Variants in TNS4 observed in about 807,000 individuals in gnomAD.
TNS4 encodes tensin 4.
Under a neutral mutation model 70.4 loss-of-function variants are expected in TNS4, and 46 were observed. That is an observed-to-expected ratio of 0.65 (90% confidence interval 0.52 to 0.84). TNS4 has a LOEUF of 0.84. TNS4 is among the 40% of genes least tolerant of loss of function. The pLI is 0.00. For missense variants in TNS4, 863 were observed against 907.0 expected (o/e 0.95, Z 0.62); for synonymous variants, 390 against 366.6 (o/e 1.06, Z -0.73).
intron 10 of TNS4, 113 bp downstream of exon 10, chr17:40,479,559 TGG>T (rs1319738787): frequency 7.4e-7 from 1 of 1,352,636 alleles, no homozygotes; most frequent in East Asian, 2.4e-5. Flanking sequence ...CTGGCCCCGC[TGG>T]GTCATCCAGA....
At chr17:40,477,771 G>A in intron 12 of TNS4, 42 bp from the exon 13 acceptor site, 1 of 1,607,492 alleles carries the variant, frequency 6.2e-7, no homozygotes, top group Non-Finnish European at 8.5e-7. Flanking sequence ...GGGACCCAGG[G>A]AGGCATCAGG....
chr17:40,483,631 C>T (rs1177325214), intron 6 of TNS4, among the ~76,000 whole-genome samples: 1 of 152,226 alleles, frequency 6.6e-6, no homozygotes, highest in African/African-American at 2.4e-5. Flanking sequence ...GACCTTCTGA[C>T]TCCTTTCCAC....
At chr17:40,493,981 G>C (rs552832503) in intron 2 of TNS4, among the ~76,000 whole-genome samples, 1 of 152,276 alleles carries the variant, frequency 6.6e-6, no homozygotes, top group African/African-American at 2.4e-5. Flanking sequence ...GCCCATGACT[G>C]ACTGGCCTGA....
In TNS4 at chr17:40,477,399, C is replaced by CG. The variant is rs964820257; in HGVS notation, c.*188dup. On this transcript the variant is annotated 3_prime_UTR_variant, in exon 13 of 13. Transcript: ENST00000254051. ...TTCTATGATTGAGGAAACTGAGGCC[C>CG]GGGGGGTCTGGATGATGGTGACTGC... 6.4e-6 allele frequency: 4 copies of CG among 624,782 alleles called. No homozygotes were observed. Among genetic ancestry groups the CG allele is most frequent in the African/African-American group, 5.6e-5 (3 of 53,598 alleles). 38.7% of individuals were successfully genotyped at this position (624,782 alleles called of 1,614,324 possible).
chr17:40,480,113 C>G (rs558538335), intron 9 of TNS4: 1 of 434,310 alleles, frequency 2.3e-6, no homozygotes, highest in East Asian at 3.8e-5. Flanking sequence ...GTAGAGGTGC[C>G]CAGGAAAACA....
intron 2 of TNS4, among the ~76,000 whole-genome samples, chr17:40,489,370 G>A (rs1359569303): frequency 6.6e-6 from 1 of 152,202 alleles, no homozygotes; most frequent in African/African-American, 2.4e-5. Flanking sequence ...AGGCAGCACA[G>A]CACTGTTCCC....
chr17:40,488,915 TG>T lies in TNS4; in HGVS notation c.493del (p.Gln165SerfsTer176). The T allele has an allele frequency of 6.2e-7, 1 of 1,602,730 alleles. No homozygotes were observed. Among genetic ancestry groups the T allele is most frequent in the Non-Finnish European group, 8.5e-7 (1 of 1,176,388 alleles). On this transcript the variant is annotated frameshift_variant, in exon 3 of 13. Coordinates refer to ENST00000254051, the MANE Select transcript of TNS4 (RefSeq NM_032865.6). LOFTEE classifies it high-confidence loss of function. ...SARSRCHDGP[Q>X]HCSSPSVTPP... The stretch of plus-strand genomic sequence containing the variant: ...GGTGACAGAGGGGCTGGAGCAGTGC[TG>T]GGGGCCATCGTGGCACCTTGATCTG...
intron 3 of TNS4, among the ~76,000 whole-genome samples, chr17:40,487,890 G>A (rs940037711): frequency 6.6e-6 from 1 of 152,242 alleles, no homozygotes; most frequent in African/African-American, 2.4e-5. Flanking sequence ...GCAGGAGAAG[G>A]CCAGCTTCAC....
chr17:40,487,673 T>C (rs1243278310), intron 3 of TNS4, among the ~76,000 whole-genome samples: 1 of 152,198 alleles, frequency 6.6e-6, no homozygotes, highest in African/African-American at 2.4e-5. Context: ...GGTAGGGTCT[T>C]TGGTCACTTA....
At chr17:40,477,879 C>A in intron 12 of TNS4, 150 bp from the exon 13 acceptor site, 1 of 692,886 alleles carries the variant, frequency 1.4e-6, no homozygotes, top group South Asian at 1.8e-5. Context: ...TATGGTGGGG[C>A]TCCCTGGGGA....
intron 6 of TNS4, among the ~76,000 whole-genome samples, chr17:40,483,844 C>T (rs73310914): frequency 1.2e-4 from 19 of 152,256 alleles, no homozygotes; most frequent in South Asian, 4.1e-4. Flanking sequence ...TTATCTCATC[C>T]GTTAAATAAG....
At chr17:40,480,585 G>A (rs2035908580) in intron 9 of TNS4, 115 bp downstream of exon 9, 1 of 1,024,660 alleles carries the variant, frequency 9.8e-7, no homozygotes, top group Admixed American at 3.9e-5. Context: ...AAGCTGAGAT[G>A]GGAAACACGT....
In TNS4 at chr17:40,496,164, A is replaced by G; in HGVS notation, c.262T>C (p.Leu88=). Residue 88 remains leucine, a synonymous_variant, in exon 2 of 13, where the codon TTG becomes CTG. Transcript: ENST00000254051. ...CFLPSPGEKA[L]GTPEDLDSYI... is the part of the protein sequence containing the mutation. ...GAGTCAAGGTCCTCTGGGGTCCCCA[A>G]GGCCTTCTCACCAGGGGACGGCAGG... is the stretch of plus-strand genomic sequence containing the variant. The G allele has an allele frequency of 6.2e-7, 1 of 1,609,884 alleles. No individual in the cohort carries two copies. The highest frequency in any genetic ancestry group is 8.5e-7 in the Non-Finnish European group (1 of 1,177,938).
chr17:40,482,376 C>T lies in TNS4; in HGVS notation c.1542G>A (p.Glu514=), dbSNP rs151099469. The change falls in exon 7 of 13, where the codon GAG becomes GAA. Residue 514 remains glutamate (E), a synonymous_variant. Coordinates refer to ENST00000254051, the MANE Select transcript of TNS4 (RefSeq NM_032865.6). ...TGAGATGCACTCCTTTGGCAGACGA[C>T]TCGATGAGGAAGTGTCGGATGAGGT... ...SNDLIRHFLI[E]SSAKGVHLKG... is the part of the protein sequence containing the mutation. 5.6e-6 allele frequency: 9 copies of T among 1,614,034 alleles called. No homozygotes were observed. In the African/African-American group the frequency reaches 1.1e-4, roughly 19 times the overall value.
In TNS4 at chr17:40,478,799, T is replaced by TG. The variant is rs547456726; in HGVS notation, c.1911-152dup. ...TGAAGACCGCTATGGCCTTTCCCAC[T>TG]GGGGGGCCCTGGCGCCCCGCTCCTG... On this transcript the variant is annotated intron_variant, in intron 10 of 12. Transcript: ENST00000254051. 48 of 787,020 alleles carry TG rather than the reference T, an allele frequency of 6.1e-5. No individual in the cohort carries two copies. In the African/African-American group the frequency reaches 7.9e-4, roughly 13 times the overall value. 48.8% of individuals were successfully genotyped at this position (787,020 alleles called of 1,614,324 possible).
intron 12 of TNS4, 75 bp downstream of exon 12, chr17:40,478,232 T>G: frequency 2.5e-6 from 4 of 1,586,686 alleles, no homozygotes; most frequent in Non-Finnish European, 3.5e-6. Context: ...ACTATTAAAG[T>G]CAGAATGGTG....
chr17:40,495,133 T>C (rs1207430751), intron 2 of TNS4, among the ~76,000 whole-genome samples: 3 of 152,192 alleles, frequency 2.0e-5, no homozygotes, highest in Non-Finnish European at 4.4e-5. Flanking sequence ...AATAATTACA[T>C]TATGTACACT....
rs185022707 is a variant in TNS4 at position 40,478,214 on chromosome 17, C to A, written c.2006+93G>T. The A allele has an allele frequency of 6.5e-4, 997 of 1,540,102 alleles. 3 individuals are homozygous for A. The African/African-American group carries it at 0.011, about 16-fold the overall frequency. ...GGACCAGGGCCTGTGCCCTCATCAACACTTTGGACTATTAAAGTCAGAATG... is the reference window on the plus strand; with the variant it reads ...GGACCAGGGCCTGTGCCCTCATCAAAACTTTGGACTATTAAAGTCAGAATG... On this transcript the variant is annotated intron_variant, in intron 12 of 12. Transcript: ENST00000254051.
Position 40,489,411 on chromosome 17 carries a change from A to G in TNS4, c.440-442T>C, listed in dbSNP as rs962812537. ...AGACCAGGTGCTTAAAAACTGGGCA[A>G]CTCTCTCCTTTGTCTGTGCCCTGTT... On this transcript the variant is annotated intron_variant, in intron 2 of 12. Transcript: ENST00000254051. Among the ~76,000 whole-genome samples, 36 of 151,922 alleles carry G rather than the reference A, an allele frequency of 2.4e-4. 1 individual carries two copies. The highest frequency in any genetic ancestry group is 8.7e-4 in the African/African-American group (36 of 41,332).
Sources: allele counts gnomAD v4.1 joint callset (sites outside exome capture counted in the v4.1 genomes callset), GRCh38; gene constraint gnomAD v4.1.1; transcripts MANE v1.5; gene names NCBI Gene and HGNC (gene_info 2026-07-23, HGNC 2026-07-21).